NIPAL2: variants seen among roughly 807,000 people sequenced by gnomAD.
NIPAL2 encodes NIPA-like protein 2.
In NIPAL2, 43 loss-of-function variants were observed where a neutral mutation model predicts 48.9. That is an observed-to-expected ratio of 0.88 (90% CI 0.69 to 1.13). The LOEUF is 1.13. NIPAL2 is among the 50% of genes most tolerant of loss of function. NIPAL2 has a pLI of 0.00. For synonymous variants in NIPAL2, 167 were observed against 174.6 expected, an observed-to-expected ratio of 0.96 and a Z score of 0.34; for missense variants, 446 against 461.4, an observed-to-expected ratio of 0.97 and a Z score of 0.31.
Position 98,194,729 on chromosome 8 carries a change from A to AAAATATATTT in NIPAL2, c.1037_1038insAAATATATTT (p.Gly347AsnfsTer17). On this transcript the variant is annotated frameshift_variant and splice_region_variant, in exon 10 of 11. Transcript: ENST00000430223. LOFTEE classifies it high-confidence loss of function. ...ACTATAAAGAATATATGATTTTACC[A>AAAATATATTT]GGAATATTTCCAAAATCAATATAAG... The AAAATATATTT allele has an allele frequency of 6.5e-7, 1 of 1,529,302 alleles. No homozygotes were observed. The highest frequency in any genetic ancestry group is 8.8e-7 in the Non-Finnish European group (1 of 1,134,890). The allele number at this position is 1,529,302 out of a possible 1,614,324, so 94.7% of individuals were successfully genotyped here.
chr8:98,241,310 A>G (rs1288925393), intron 3 of NIPAL2, among the ~76,000 whole-genome samples: 1 of 152,240 alleles, frequency 6.6e-6, no homozygotes, highest in Non-Finnish European at 1.5e-5. Flanking sequence ...CATAGGGGAA[A>G]GTCCAAATCA....
chr8:98,203,265 C>T lies in NIPAL2; in HGVS notation c.792-69G>A, dbSNP rs1586298777. The T allele has an allele frequency of 1.6e-5, 18 of 1,100,740 alleles. No homozygotes were observed. In the East Asian group the frequency reaches 4.3e-4, roughly 26 times the overall value. The allele number at this position is 1,100,740 out of a possible 1,614,324, so 68.2% of individuals were successfully genotyped here. ...TTCAGCAATAAGTTAACAATAACTT[C>T]AAGAAACACGTGTTCTTTAGCTACA... is the stretch of plus-strand genomic sequence containing the variant. On this transcript the variant is annotated intron_variant, in intron 7 of 10. Coordinates refer to ENST00000430223, the MANE Select transcript of NIPAL2 (RefSeq NM_001321635.2).
At chr8:98,246,015 A>C (rs1346205216) in intron 3 of NIPAL2, among the ~76,000 whole-genome samples, 1 of 152,258 alleles carries the variant, frequency 6.6e-6, no homozygotes, top group Non-Finnish European at 1.5e-5. Flanking sequence ...CGGTGACCTC[A>C]TCCAGGCTGG....
At chr8:98,214,320 C>T (rs551360441) in intron 5 of NIPAL2, among the ~76,000 whole-genome samples, 7 of 152,126 alleles carry the variant, frequency 4.6e-5, no homozygotes, top group South Asian at 2.1e-4. Flanking sequence ...CCCGCCACCA[C>T]GCCCGGCTAA....
At chr8:98,288,230 C>T (rs958353238) in intron 1 of NIPAL2, among the ~76,000 whole-genome samples, 89 of 145,214 alleles carry the variant, frequency 6.1e-4, no homozygotes, top group African/African-American at 2.2e-3. Context: ...GTGATATTCC[C>T]TTTCCTGTGT....
At chr8:98,267,551 C>T (rs369114813) in intron 1 of NIPAL2, among the ~76,000 whole-genome samples, 1 of 152,112 alleles carries the variant, frequency 6.6e-6, no homozygotes, top group East Asian at 1.9e-4. Context: ...AACACCTGGG[C>T]TCCAGTGATC....
At chr8:98,291,072 A>T (rs1467956457) in intron 1 of NIPAL2, among the ~76,000 whole-genome samples, 2 of 152,168 alleles carry the variant, frequency 1.3e-5, no homozygotes, top group Non-Finnish European at 2.9e-5. Context: ...AAATTTTTTT[A>T]AATTTAATTT....
In NIPAL2 at chr8:98,222,600, C is replaced by G. The variant is rs746311915; in HGVS notation, c.437G>C (p.Gly146Ala). ...KDNLRASDLL[G>A]TTLAFAGTYL... ...TGTTCCTGCAAATGCCAGTGTCGTACCTTTAAATAAAATTGAAAAGAAAAA... is the reference window on the plus strand; with the variant it reads ...TGTTCCTGCAAATGCCAGTGTCGTAGCTTTAAATAAAATTGAAAAGAAAAA... The change falls in exon 5 of 11, where the codon GGT (glycine) becomes GCT (alanine). Residue 146 changes from glycine to alanine, a missense_variant and splice_region_variant. Coordinates refer to ENST00000430223, the MANE Select transcript of NIPAL2 (RefSeq NM_001321635.2). 1.2e-6 allele frequency: 2 copies of G among 1,609,152 alleles called. No homozygotes were observed. Among genetic ancestry groups the G allele is most frequent in the Non-Finnish European group, 1.7e-6 (2 of 1,178,980 alleles).
intron 1 of NIPAL2, among the ~76,000 whole-genome samples, chr8:98,254,900 C>T (rs1813787525): frequency 6.6e-6 from 1 of 152,240 alleles, no homozygotes. Context: ...CCCTCCTGGC[C>T]TGCAGAGGTA....
At chr8:98,218,665 T>C (rs1811695289) in intron 5 of NIPAL2, among the ~76,000 whole-genome samples, 1 of 152,118 alleles carries the variant, frequency 6.6e-6, no homozygotes, top group African/African-American at 2.4e-5. Context: ...GAGCAACCAA[T>C]ACAAGTTCAT....
At chr8:98,240,692 C>T (rs540153193) in intron 3 of NIPAL2, among the ~76,000 whole-genome samples, 3 of 152,306 alleles carry the variant, frequency 2.0e-5, no homozygotes, top group African/African-American at 7.2e-5. Flanking sequence ...AAGGCTGATT[C>T]ATGAGAATGC....
chr8:98,190,550 T>C lies in NIPAL2; in HGVS notation c.*2428A>G, dbSNP rs1440258069. On this transcript the variant is annotated 3_prime_UTR_variant, in exon 11 of 11. Transcript: ENST00000430223. Reference sequence around the variant, plus strand: ...GTTGACCAGGCTGGTCCCAAACTCCTAACCTCAGATGATCTGTCAGCCTCA... The same window carrying C: ...GTTGACCAGGCTGGTCCCAAACTCCCAACCTCAGATGATCTGTCAGCCTCA... 6.6e-6 allele frequency: 1 copy of C among 152,266 alleles called. No homozygotes were observed. 9.4% of individuals were successfully genotyped at this position (152,266 alleles called of 1,614,324 possible).
intron 1 of NIPAL2, among the ~76,000 whole-genome samples, chr8:98,290,989 C>T (rs148198671): frequency 2.0e-5 from 3 of 152,306 alleles, no homozygotes; most frequent in African/African-American, 4.8e-5. Flanking sequence ...GCTGGTCAAA[C>T]AAGATGTATC....
chr8:98,248,685 T>C (rs1157874099), intron 3 of NIPAL2, among the ~76,000 whole-genome samples: 1 of 152,164 alleles, frequency 6.6e-6, no homozygotes, highest in East Asian at 1.9e-4. Context: ...AGCCTCTAGG[T>C]GAAATTGAAA....
At chr8:98,252,683 G>T (rs200692049) in intron 2 of NIPAL2, 49 bp from the exon 3 acceptor site, 4 of 1,488,516 alleles carry the variant, frequency 2.7e-6, no homozygotes, top group Non-Finnish European at 2.7e-6. Flanking sequence ...AGCTATGAGG[G>T]GAATGCCACT....
chr8:98,209,265 A>C (rs1015729692), intron 6 of NIPAL2, among the ~76,000 whole-genome samples: 1 of 152,102 alleles, frequency 6.6e-6, no homozygotes, highest in Non-Finnish European at 1.5e-5. Context: ...TATAAGTAGA[A>C]TATGTAAGTG....
intron 3 of NIPAL2, among the ~76,000 whole-genome samples, chr8:98,248,477 G>A (rs1373268191): frequency 6.6e-6 from 1 of 152,200 alleles, no homozygotes; most frequent in Admixed American, 6.5e-5. Flanking sequence ...CAGTTCTTCT[G>A]CACAATGACC....
chr8:98,290,698 A>T (rs886519122), intron 1 of NIPAL2, among the ~76,000 whole-genome samples: 1 of 152,212 alleles, frequency 6.6e-6, no homozygotes, highest in Non-Finnish European at 1.5e-5. Flanking sequence ...TTTCACATGG[A>T]CCGCATAAAT....
intron 6 of NIPAL2, among the ~76,000 whole-genome samples, chr8:98,206,961 G>A (rs1329109415): frequency 2.0e-5 from 3 of 152,082 alleles, no homozygotes; most frequent in Non-Finnish European, 2.9e-5. Context: ...CCACATCTTA[G>A]CTAAACTAGG....
Sources: allele counts gnomAD v4.1 joint callset (sites outside exome capture counted in the v4.1 genomes callset), GRCh38; gene constraint gnomAD v4.1.1; transcripts MANE v1.5; gene names NCBI Gene and HGNC (gene_info 2026-07-23, HGNC 2026-07-21).